Variants in MYBPC1 observed in about 807,000 individuals in gnomAD.
MYBPC1 encodes myosin binding protein C1.
In MYBPC1, 52 loss-of-function variants were observed where a neutral mutation model predicts 147.1. That is an observed-to-expected ratio of 0.35 (90% CI 0.28 to 0.45). MYBPC1 has a LOEUF of 0.45. Among genes scored for constraint, MYBPC1 ranks in the 20% least tolerant of loss-of-function variants. The pLI is 1.00. For missense variants in MYBPC1, 1,228 were observed against 1,440.3 expected (o/e 0.85, Z 2.39); for synonymous variants, 477 against 475.9 (o/e 1.00, Z -0.03).
intron 10 of MYBPC1, 97 bp downstream of exon 10, chr12:101,636,825 T>G: frequency 3.9e-6 from 4 of 1,026,662 alleles, no homozygotes; most frequent in Non-Finnish European, 6.1e-6. Flanking sequence ...CTTCAGAGAA[T>G]TTTTCATTTC....
intron 28 of MYBPC1, 102 bp downstream of exon 28, chr12:101,678,340 TC>T: frequency 6.6e-7 from 1 of 1,512,292 alleles, no homozygotes; most frequent in Non-Finnish European, 9.2e-7. Flanking sequence ...ACTTGTGTCT[TC>T]CCAGGATGGG....
At chr12:101,693,208 G>A in the MYBPC1 span, among the ~76,000 whole-genome samples, 4 of 152,182 alleles carry the variant, frequency 2.6e-5, no homozygotes, top group Middle Eastern at 3.4e-3. Flanking sequence ...GGCCTCCCAA[G>A]GTGCTGGGAT....
chr12:101,627,011 A>G (rs2135992260), intron 4 of MYBPC1, 101 bp downstream of exon 4: 3 of 1,099,040 alleles, frequency 2.7e-6, no homozygotes, highest in Admixed American at 1.8e-5. Flanking sequence ...GTCAGTGCAC[A>G]GAGCAGGGGC....
Position 101,659,737 on chromosome 12 carries a change from T to G in MYBPC1, c.1833T>G (p.Ile611Met), listed in dbSNP as rs141205774. The G allele has an allele frequency of 4.3e-6, 7 of 1,614,134 alleles. No individual in the cohort carries two copies. The highest frequency in any genetic ancestry group is 5.9e-6 in the Non-Finnish European group (7 of 1,179,978). The part of the protein sequence containing the change: ...ESYPDSSTLV[I>M]DIAERDDSGV... Reference sequence around the variant, plus strand: ...ACCCTGATAGCAGCACTCTGGTCATTGATATAGCTGAAAGAGATGACTCTG... The same window carrying G: ...ACCCTGATAGCAGCACTCTGGTCATGGATATAGCTGAAAGAGATGACTCTG... The change falls in exon 19 of 32, where the codon ATT becomes ATG. Residue 611 changes from isoleucine (I) to methionine (M), a missense_variant. Ile to Met is a conservative substitution (Grantham distance 10). Transcript: ENST00000361466.
intron 18 of MYBPC1, among the ~76,000 whole-genome samples, chr12:101,654,014 G>T (rs1241172788): frequency 2.6e-5 from 4 of 152,148 alleles, no homozygotes; most frequent in African/African-American, 9.7e-5. Context: ...ACCAGCCTGA[G>T]CCTGCATGGA....
chr12:101,605,116 C>G (rs1221006123), intron 1 of MYBPC1, among the ~76,000 whole-genome samples: 1 of 152,156 alleles, frequency 6.6e-6, no homozygotes. Flanking sequence ...AATGCAGAGG[C>G]CCTTCAGAGG....
intron 1 of MYBPC1, among the ~76,000 whole-genome samples, chr12:101,612,099 G>C (rs1438608781): frequency 1.5e-5 from 2 of 130,596 alleles, no homozygotes; most frequent in Non-Finnish European, 3.3e-5. Context: ...AAAAAAAAAA[G>C]AATAATCAGC....
At chr12:101,674,778 G>A (rs897564063) in intron 25 of MYBPC1, among the ~76,000 whole-genome samples, 2 of 143,944 alleles carry the variant, frequency 1.4e-5, no homozygotes, top group Non-Finnish European at 3.0e-5. Context: ...CATGAAAATC[G>A]CTTGAACCTG....
In MYBPC1 at chr12:101,678,089, G is replaced by A. The variant is rs375645558; in HGVS notation, c.3110-13G>A. On this transcript the variant is annotated splice_polypyrimidine_tract_variant and intron_variant, in intron 27 of 31. Coordinates refer to ENST00000361466, the MANE Select transcript of MYBPC1 (RefSeq NM_002465.4). ...TACATAATTTTAACATATTTGTAAT[G>A]CTTGTTTTTAAGGTAAAATCTACAA... 1.2e-6 allele frequency: 2 copies of A among 1,609,852 alleles called. No individual in the cohort carries two copies. Among genetic ancestry groups the A allele is most frequent in the African/African-American group, 1.3e-5 (1 of 74,832 alleles).
intron 17 of MYBPC1, 22 bp from the exon 18 acceptor site, chr12:101,653,093 A>G (rs1287659390): frequency 6.2e-7 from 1 of 1,603,144 alleles, no homozygotes; most frequent in Non-Finnish European, 8.5e-7. Flanking sequence ...TCTGATAACA[A>G]AGACTATGCT....
At chr12:101,680,264 C>T (rs1020327092) in intron 28 of MYBPC1, 79 bp from the exon 29 acceptor site, 32 of 1,374,036 alleles carry the variant, frequency 2.3e-5, no homozygotes, top group Non-Finnish European at 3.2e-5. Flanking sequence ...CTTTAAAATT[C>T]TGTCACTGGC....
intron 1 of MYBPC1, among the ~76,000 whole-genome samples, chr12:101,610,959 G>T (rs545030196): frequency 6.6e-6 from 1 of 152,256 alleles, no homozygotes; most frequent in East Asian, 1.9e-4. Flanking sequence ...CTTGCAAAAT[G>T]GAGATAATCA....
chr12:101,670,487 T>C (rs1898414048), intron 24 of MYBPC1, 78 bp downstream of exon 24: 13 of 1,202,658 alleles, frequency 1.1e-5, no homozygotes, highest in Middle Eastern at 3.8e-4. Flanking sequence ...ACTCTAGCAT[T>C]TAAGTTCATC....
chr12:101,627,908 T>C (rs1888995509), intron 5 of MYBPC1, 104 bp downstream of exon 5: 4 of 1,340,478 alleles, frequency 3.0e-6, no homozygotes, highest in African/African-American at 1.4e-5. Flanking sequence ...CTTATTCAGA[T>C]TGTAGTTTTT....
intron 29 of MYBPC1, 53 bp downstream of exon 29, chr12:101,680,582 T>TAAATAATAATATAAAA: frequency 6.3e-7 from 1 of 1,593,540 alleles, no homozygotes; most frequent in Non-Finnish European, 8.6e-7. Flanking sequence ...AATCATTGAA[T>TAAATAATAATATAAAA]TATTGTTCTT....
intron 18 of MYBPC1, among the ~76,000 whole-genome samples, chr12:101,654,543 C>T (rs1296227415): frequency 6.6e-6 from 1 of 152,024 alleles, no homozygotes; most frequent in Non-Finnish European, 1.5e-5. Context: ...TACAAGGAGA[C>T]CAAGGCAGCT....
chr12:101,614,368 C>A, intron 1 of MYBPC1, 128 bp from the exon 2 acceptor site: 1 of 910,872 alleles, frequency 1.1e-6, no homozygotes, highest in East Asian at 2.6e-5. Flanking sequence ...TGTTTCCCTC[C>A]TCCATCCCTC....
At chr12:101,683,437 A>G (rs964414630) in intron 30 of MYBPC1, among the ~76,000 whole-genome samples, 3 of 152,292 alleles carry the variant, frequency 2.0e-5, no homozygotes, top group East Asian at 1.9e-4. Context: ...ATAAAAAATA[A>G]AAAAAATAAA....
chr12:101,608,685 T>C (rs1005763434), intron 1 of MYBPC1, among the ~76,000 whole-genome samples: 5 of 152,220 alleles, frequency 3.3e-5, no homozygotes, highest in Non-Finnish European at 5.9e-5. Flanking sequence ...CGACACAAGT[T>C]GCTTTGCCGT....
Sources: gnomAD v4.1 joint callset for allele counts (sites outside exome capture counted in the v4.1 genomes callset) on GRCh38, gnomAD v4.1.1 for gene constraint, MANE v1.5 for transcripts, NCBI Gene and HGNC (gene_info 2026-07-23, HGNC 2026-07-21) for gene names.